The following ANKRD50 variants were observed in gnomAD, a reference collection of about 807,000 sequenced individuals.
The protein encoded by ANKRD50 is ankyrin repeat domain-containing protein 50.
In ANKRD50, 40 loss-of-function variants were observed where a neutral mutation model predicts 112.0. The ratio of observed to expected loss-of-function variants is 0.36; its 90% CI spans 0.28 to 0.46. The LOEUF (loss-of-function observed/expected upper bound fraction) is 0.46. Among genes scored for constraint, ANKRD50 ranks in the 20% least tolerant of loss-of-function variants. The pLI is 1.00. For synonymous variants in ANKRD50, 613 were observed against 619.1 expected (o/e 0.99, Z 0.15); for missense variants, 1,487 against 1,701.7 (o/e 0.87, Z 2.22).
Position 124,710,155 on chromosome 4 carries a change from A to T in ANKRD50, c.357T>A (p.Asp119Glu), listed in dbSNP as rs551919011. ...TAATAAACCCTCCAACACACAAAGT[A>T]TCAGAGTCCTGGGCTTTGCAGAAAT... ...AFHFCKAQDS[D>E]TLCVGGFIRG... The change falls in exon 2 of 5, where the codon GAT (aspartate) becomes GAA (glutamate). Residue 119 changes from aspartate (D) to glutamate (E), a missense_variant. This residue lies in a region of ANKRD50 where 1,046 missense variants were observed against 1,269.5 expected (regional missense o/e 0.82). Coordinates refer to ENST00000504087, the MANE Select transcript of ANKRD50 (RefSeq NM_020337.3). 8 of 1,614,198 alleles carry T rather than the reference A, an allele frequency of 5.0e-6. No homozygotes were observed. The highest frequency in any genetic ancestry group is 1.3e-5 in the African/African-American group (1 of 75,050).
At chr4:124,692,073 A>G (rs1406121839) in intron 2 of ANKRD50, among the ~76,000 whole-genome samples, 8 of 152,218 alleles carry the variant, frequency 5.3e-5, no homozygotes, top group African/African-American at 1.9e-4. Context: ...CCTTCAGGCT[A>G]TATGTATAAA....
chr4:124,702,006 GTTTTAT>G lies in ANKRD50; in HGVS notation c.512+7988_512+7993del, dbSNP rs1725404578. On this transcript the variant is annotated intron_variant, in intron 2 of 4. Coordinates refer to ENST00000504087, the MANE Select transcript of ANKRD50 (RefSeq NM_020337.3). ...TCATATGTCTACTGTTCATATAAAG[GTTTTAT>G]TAAATGCTAAGAAAAAGAATGTTCT... Among the ~76,000 whole-genome samples, 6 of 152,192 alleles carry G rather than the reference GTTTTAT, an allele frequency of 3.9e-5. 1 individual carries two copies. In the South Asian group the frequency reaches 1.2e-3, roughly 32 times the overall value.
chr4:124,708,878 G>C (rs1335297598), intron 2 of ANKRD50, among the ~76,000 whole-genome samples: 1 of 151,782 alleles, frequency 6.6e-6, no homozygotes, highest in African/African-American at 2.4e-5. Flanking sequence ...TCTAATATTT[G>C]TAAAGCACTT....
At position 124,665,243 on chromosome 4, in the gene ANKRD50, T is replaced by C. The variant is rs1167719928; in HGVS notation, c.*2275A>G. ...GTTCTATTCCAAAACATAATTTATA[T>C]AAAAACATCCCGAGGAATACTTACT... On this transcript the variant is annotated 3_prime_UTR_variant, in exon 5 of 5. Coordinates refer to ENST00000504087, the MANE Select transcript of ANKRD50 (RefSeq NM_020337.3). The C allele has an allele frequency of 6.6e-6, 1 of 152,340 alleles. No homozygotes were observed. Among genetic ancestry groups the C allele is most frequent in the Non-Finnish European group, 1.5e-5 (1 of 67,868 alleles). The allele number at this position is 152,340 out of a possible 1,614,324, so 9.4% of individuals were successfully genotyped here. A position where few individuals can be genotyped will look rare whatever the true frequency, so the allele number is the denominator to read the frequency against.
intron 2 of ANKRD50, among the ~76,000 whole-genome samples, chr4:124,698,363 G>C (rs1475698174): frequency 6.6e-6 from 1 of 151,734 alleles, no homozygotes; most frequent in African/African-American, 2.4e-5. Context: ...ATACGTGTGT[G>C]TGTATATATA....
chr4:124,692,150 G>A (rs1725153176), intron 2 of ANKRD50, among the ~76,000 whole-genome samples: 1 of 151,666 alleles, frequency 6.6e-6, no homozygotes, highest in Admixed American at 6.6e-5. Context: ...TTCTCATTAT[G>A]TATATGAGAA....
In ANKRD50 at chr4:124,681,732, TAC is replaced by T. The variant is rs535613512; in HGVS notation, c.513-2829_513-2828del. On this transcript the variant is annotated intron_variant, in intron 2 of 4. Transcript: ENST00000504087. The stretch of plus-strand genomic sequence containing the variant: ...ATTTGCTCTTCTTTACCTAGTTTCT[TAC>T]AGTGGAAATTGAAGTCATTTTCCAT... Among the ~76,000 whole-genome samples the T allele has an allele frequency of 3.7e-4, 56 of 152,346 alleles. 1 individual carries two copies. In the South Asian group the frequency reaches 0.012, roughly 32 times the overall value.
intron 2 of ANKRD50, among the ~76,000 whole-genome samples, chr4:124,687,525 A>G (rs1284103243): frequency 6.6e-6 from 1 of 152,172 alleles, no homozygotes; most frequent in Admixed American, 6.5e-5. Flanking sequence ...AAAAAAATTG[A>G]AAACTTGACT....
At position 124,669,435 on chromosome 4, in the gene ANKRD50, G is replaced by GGGAATCAGCT; in HGVS notation, c.3841_3842insAGCTGATTCC (p.Ser1281Ter). On this transcript the variant is annotated stop_gained and frameshift_variant, in exon 4 of 5. Coordinates refer to ENST00000504087, the MANE Select transcript of ANKRD50 (RefSeq NM_020337.3). LOFTEE classifies it high-confidence loss of function. ...ACTTTGTTTCGCTTTTTTCCCAGCT[G>GGGAATCAGCT]ATCCAGACTTGGCAGAATTTTCTGA... The GGGAATCAGCT allele has an allele frequency of 6.2e-7, 1 of 1,612,662 alleles. No homozygotes were observed. Among genetic ancestry groups the GGGAATCAGCT allele is most frequent in the Non-Finnish European group, 8.5e-7 (1 of 1,179,604 alleles).
chr4:124,703,655 T>C (rs765210659), intron 2 of ANKRD50, among the ~76,000 whole-genome samples: 4 of 150,432 alleles, frequency 2.7e-5, no homozygotes, highest in Non-Finnish European at 4.4e-5. Context: ...CCAAGTACTG[T>C]CAAAATTTCC....
chr4:124,702,896 A>C (rs1725421123), intron 2 of ANKRD50, among the ~76,000 whole-genome samples: 1 of 152,172 alleles, frequency 6.6e-6, no homozygotes, highest in South Asian at 2.1e-4. Flanking sequence ...ATCAATGAAT[A>C]GAAATGCTTC....
chr4:124,668,969 T>G lies in ANKRD50; in HGVS notation c.*3+15A>C. ...CTACTTTTGTTTTTTACTCTTTATG[T>G]TGACAAAATATTACCTTTTATAATG... On this transcript the variant is annotated intron_variant, in intron 4 of 4. Transcript: ENST00000504087. 1 of 1,587,188 alleles carries G rather than the reference T, an allele frequency of 6.3e-7. No individual in the cohort carries two copies. The highest frequency in any genetic ancestry group is 8.5e-7 in the Non-Finnish European group (1 of 1,173,012).
At chr4:124,676,493 T>A (rs532397865) in intron 3 of ANKRD50, among the ~76,000 whole-genome samples, 9 of 151,644 alleles carry the variant, frequency 5.9e-5, no homozygotes, top group African/African-American at 2.2e-4. Context: ...AGAGTAATAG[T>A]ACACAGACAT....
At chr4:124,679,561 T>A (rs1480817957) in intron 2 of ANKRD50, among the ~76,000 whole-genome samples, 2 of 152,134 alleles carry the variant, frequency 1.3e-5, no homozygotes, top group African/African-American at 2.4e-5. Context: ...AACTTTTTCA[T>A]AAATACAACA....
intron 2 of ANKRD50, among the ~76,000 whole-genome samples, chr4:124,699,313 C>T (rs915243330): frequency 6.6e-5 from 10 of 151,676 alleles, no homozygotes; most frequent in Non-Finnish European, 8.8e-5. Context: ...TTTACTTTCC[C>T]GTATCACTGA....
intron 2 of ANKRD50, among the ~76,000 whole-genome samples, chr4:124,693,444 G>A (rs74487717): frequency 0.014 from 2,104 of 152,032 alleles, 47 homozygotes; most frequent in African/African-American, 0.048. Flanking sequence ...AATATCAAGG[G>A]TCTAATTACC....
Position 124,665,363 on chromosome 4 carries a change from A to G in ANKRD50, c.*2155T>C, listed in dbSNP as rs957621634. On this transcript the variant is annotated 3_prime_UTR_variant, in exon 5 of 5. Transcript: ENST00000504087. ...GAAAACAGTTAGCTCTTTGAAAAAC[A>G]TAAATCCCTTATGCAATGTCATATC... 3.9e-5 allele frequency: 6 copies of G among 152,408 alleles called. No individual in the cohort carries two copies. The highest frequency in any genetic ancestry group is 1.4e-4 in the African/African-American group (6 of 41,448). 9.4% of individuals were successfully genotyped at this position (152,408 alleles called of 1,614,324 possible). A position where few individuals can be genotyped will look rare whatever the true frequency, so the allele number is the denominator to read the frequency against.
intron 2 of ANKRD50, among the ~76,000 whole-genome samples, chr4:124,706,561 C>T (rs1228836875): frequency 6.6e-6 from 1 of 152,016 alleles, no homozygotes; most frequent in East Asian, 1.9e-4. Flanking sequence ...ATTTAAAAAG[C>T]ATCAAGTAAA....
At chr4:124,703,126 C>G (rs1347856916) in intron 2 of ANKRD50, among the ~76,000 whole-genome samples, 1 of 151,874 alleles carries the variant, frequency 6.6e-6, no homozygotes, top group African/African-American at 2.4e-5. Context: ...GGGGCAAACA[C>G]CCAGAGAGGA....
Sources: allele counts gnomAD v4.1 joint callset (sites outside exome capture counted in the v4.1 genomes callset), GRCh38; gene constraint gnomAD v4.1.1; regional missense constraint gnomAD v4.1.1; transcripts MANE v1.5; gene names NCBI Gene and HGNC (gene_info 2026-07-23, HGNC 2026-07-21).